The following GTPBP6 variants were observed in gnomAD, a reference collection of about 807,000 sequenced individuals.
GTPBP6 encodes putative GTP-binding protein 6.
In GTPBP6, 33 loss-of-function variants were observed where a neutral mutation model predicts 28.9. That is an observed-to-expected ratio of 1.14 (90% CI 0.87 to 1.53). GTPBP6 has a LOEUF of 1.53. Ranked by LOEUF, GTPBP6 falls within the 40% of genes most tolerant of loss-of-function variation. The probability of loss-of-function intolerance (pLI) is 0.00; values close to 1 mark genes in which losing one functional copy is unlikely to be tolerated. For synonymous variants in GTPBP6, 231 were observed against 192.7 expected (o/e 1.20, Z -1.65); for missense variants, 507 against 408.3 (o/e 1.24, Z -2.08).
At chrX:313,410 C>A (rs891474114) in intron 5 of GTPBP6, among the ~76,000 whole-genome samples, 8 of 152,108 alleles carry the variant, frequency 5.3e-5, no homozygotes, top group Admixed American at 3.3e-4. Flanking sequence ...AGGCCACAAG[C>A]CTGGGACGCC....
chrX:306,310 T>C (rs28661486), intron 9 of GTPBP6, among the ~76,000 whole-genome samples: 50,803 of 151,128 alleles, frequency 0.34, 9,276 homozygotes, highest in South Asian at 0.53. Flanking sequence ...CAGTCAGAAA[T>C]GTACATTTTG....
At chrX:315,352 G>A (rs1275401022) in intron 2 of GTPBP6, 53 bp from the exon 3 acceptor site, 1 of 398,582 alleles carries the variant, frequency 2.5e-6, no homozygotes, top group African/African-American at 2.1e-5. Flanking sequence ...CCCGTGGACT[G>A]TGGGATGAGC....
intron 9 of GTPBP6, 25 bp from the exon 10 acceptor site, chrX:305,222 G>A (rs759249590): frequency 1.9e-6 from 3 of 1,551,214 alleles, no homozygotes; most frequent in South Asian, 1.1e-5. Flanking sequence ...GCGTTGTATG[G>A]AGACAAGCAG....
At position 313,733 on chromosome X, in the gene GTPBP6, G is replaced by T. The variant is rs191960264; in HGVS notation, c.757+417C>A. On this transcript the variant is annotated intron_variant, in intron 5 of 9. Transcript: ENST00000326153. ...AGACGGAGGCAGAGACTGGAGTGACGCGGCCACAAACCCAGGGATGCCTGG... is the reference window on the plus strand; with the variant it reads ...AGACGGAGGCAGAGACTGGAGTGACTCGGCCACAAACCCAGGGATGCCTGG... 5.4e-3 allele frequency among the ~76,000 whole-genome samples: 822 copies of T among 151,648 alleles called. 12 individuals are homozygous for T. Among genetic ancestry groups the T allele is most frequent in the African/African-American group, 0.019 (782 of 41,370 alleles).
exon 8 of GTPBP6, chrX:307,878 A>C (rs1391980949): frequency 2.0e-6 from 3 of 1,520,696 alleles, no homozygotes; most frequent in Non-Finnish European, 2.6e-6. Context: ...GCAAGATGAG[A>C]TCCTGTGGGC....
At chrX:313,553 G>T (rs1401688262) in intron 5 of GTPBP6, among the ~76,000 whole-genome samples, 1 of 152,138 alleles carries the variant, frequency 6.6e-6, no homozygotes, top group Non-Finnish European at 1.5e-5. Flanking sequence ...CCCAGAACTG[G>T]TCAATGGGAC....
At chrX:309,227 T>A (rs927267284) in intron 7 of GTPBP6, among the ~76,000 whole-genome samples, 3 of 152,312 alleles carry the variant, frequency 2.0e-5, no homozygotes, top group Admixed American at 6.5e-5. Context: ...TATTTCCCCG[T>A]GCTCTTCATG....
intron 4 of GTPBP6, 113 bp from the exon 5 acceptor site, chrX:314,330 G>A: frequency 1.1e-6 from 1 of 871,332 alleles, no homozygotes; most frequent in South Asian, 1.4e-5. Flanking sequence ...GAAGGGAGGA[G>A]CCGCTGTTGC....
chrX:312,736 G>A (rs774546370), intron 6 of GTPBP6, 30 bp downstream of exon 6: 82 of 1,589,644 alleles, frequency 5.2e-5, no homozygotes, highest in Non-Finnish European at 6.2e-5. Context: ...CGGAGACCGC[G>A]GAAGGCCCCT....
At chrX:307,680 T>A in intron 8 of GTPBP6, 52 bp downstream of exon 8, 1 of 1,450,390 alleles carries the variant, frequency 6.9e-7, no homozygotes, top group Non-Finnish European at 9.1e-7. Context: ...CCCACCCGGC[T>A]CCAGCGCGTG....
chrX:316,763 G>A (rs1264099443), intron 2 of GTPBP6, among the ~76,000 whole-genome samples, 151 bp downstream of exon 2: 1 of 152,056 alleles, frequency 6.6e-6, no homozygotes. Flanking sequence ...TCCTACTGGC[G>A]TGTGCTCCCA....
At chrX:309,325 G>A (rs774609176) in intron 7 of GTPBP6, among the ~76,000 whole-genome samples, 18 of 152,192 alleles carry the variant, frequency 1.2e-4, no homozygotes, top group African/African-American at 4.1e-4. Flanking sequence ...ACAGCACCCC[G>A]CCCCCAAATC....
chrX:315,396 G>A lies in GTPBP6; in HGVS notation c.488-97C>T. ...CCCTTTGTGGGATGCACCGCGGAGAGCTCACTTCACAGGCATCCCCGACTT... is the reference window on the plus strand; with the variant it reads ...CCCTTTGTGGGATGCACCGCGGAGAACTCACTTCACAGGCATCCCCGACTT... On this transcript the variant is annotated intron_variant, in intron 2 of 9. Coordinates refer to ENST00000326153, the Ensembl canonical transcript of GTPBP6. The A allele has an allele frequency of 7.5e-6, 3 of 398,578 alleles. No individual in the cohort carries two copies. The South Asian group carries it at 3.8e-4, about 51-fold the overall frequency. The allele number at this position is 398,578 out of a possible 1,614,324, so 24.7% of individuals were successfully genotyped here. A position where few individuals can be genotyped will look rare whatever the true frequency, so the allele number is the denominator to read the frequency against.
At chrX:312,033 G>C in intron 6 of GTPBP6, 2 of 471,576 alleles carry the variant, frequency 4.2e-6, no homozygotes, top group South Asian at 3.6e-5. Context: ...TATAGATACG[G>C]CAGTGGTGCC....
At chrX:307,921 G>A in intron 7 of GTPBP6, 41 bp from the exon 8 acceptor site, 1 of 1,456,628 alleles carries the variant, frequency 6.9e-7, no homozygotes, top group South Asian at 1.5e-5. Context: ...GGAGCCTCTG[G>A]TCCCTGACCC....
intron 9 of GTPBP6, among the ~76,000 whole-genome samples, chrX:306,590 A>C (rs903577739): frequency 2.0e-5 from 3 of 151,668 alleles, no homozygotes; most frequent in Admixed American, 6.6e-5. Context: ...TGTCAAGCAC[A>C]GATTAGGCAC....
At chrX:315,520 A>G (rs1477058867) in intron 2 of GTPBP6, among the ~76,000 whole-genome samples, 1 of 147,604 alleles carries the variant, frequency 6.8e-6, no homozygotes, top group African/African-American at 2.5e-5. Context: ...CGGTGAACAC[A>G]TCCCGGCAGG....
Position 314,166 on chromosome X carries a change from GCGCGAGC to G in GTPBP6, c.734_740del (p.Gly245AlafsTer18), listed in dbSNP as rs1340503871. ...CCGAGTTACCTGACCCCATGATGTA[GCGCGAGC>G]CGACTCCTCGGTACAGGTGGGCGAC... is the stretch of plus-strand genomic sequence containing the variant. On this transcript the variant is annotated frameshift_variant, in exon 5 of 10. Coordinates refer to ENST00000326153, the Ensembl canonical transcript of GTPBP6. LOFTEE classifies it high-confidence loss of function. 1 of 1,612,710 alleles carries G rather than the reference GCGCGAGC, an allele frequency of 6.2e-7. No homozygotes were observed.
intron 2 of GTPBP6, among the ~76,000 whole-genome samples, chrX:316,710 C>A (rs1429816045): frequency 6.6e-6 from 1 of 152,088 alleles, no homozygotes; most frequent in Non-Finnish European, 1.5e-5. Flanking sequence ...CTCCAGGGCC[C>A]GGTGTGAATC....
Sources: gnomAD v4.1 joint callset for allele counts (sites outside exome capture counted in the v4.1 genomes callset) on GRCh38, gnomAD v4.1.1 for gene constraint, MANE v1.5 for transcripts, NCBI Gene and HGNC (gene_info 2026-07-23, HGNC 2026-07-21) for gene names.